The following FLNA variants were observed in gnomAD, a reference collection of about 807,000 sequenced individuals.
The protein encoded by FLNA is filamin A, also known as filamin-A.
A neutral mutation model predicts 157.6 loss-of-function variants in FLNA; 7 were observed. The observed-to-expected ratio is 0.04, with a 90% CI of 0.03 to 0.08. The LOEUF (loss-of-function observed/expected upper bound fraction) is 0.08, where lower values mean the gene tolerates loss of function less well. Among genes scored for constraint, FLNA ranks in the 10% least tolerant of loss-of-function variants. The pLI is 1.00. For synonymous variants in FLNA, 1,103 were observed against 1,060.8 expected, an observed-to-expected ratio of 1.04 and a Z score of -0.77; for missense variants, 1,750 against 2,398.4, an observed-to-expected ratio of 0.73 and a Z score of 5.65.
At chrX:154,369,626 G>A (rs1169773652) in intron 2 of FLNA, among the ~76,000 whole-genome samples, 4 of 110,828 alleles carry the variant, frequency 3.6e-5, no homozygotes, top group Non-Finnish European at 7.6e-5. Flanking sequence ...GCTCCAGCCA[G>A]CTCACAAGGA....
chrX:154,360,704 A>G (rs2067699583), intron 21 of FLNA, 117 bp from the exon 22 acceptor site: 1 of 677,344 alleles, frequency 1.5e-6, no homozygotes, highest in Non-Finnish European at 2.2e-6. Context: ...AAACAGGGAC[A>G]CGGGCGGGCC....
rs782476500 is a variant in FLNA, at chrX:154,353,696, G to A, written c.5718C>T (p.Ser1906=). The change falls in exon 36 of 48, where the codon TCC becomes TCT. Residue 1906 remains serine, a synonymous_variant. Transcript: ENST00000369850. ...GGLSLAIEGP[S]KAEISCTDNQ... ...TGTCAGTGCAGCTGATTTCTGCTTT[G>A]GACGGGCCCTCAATGGCCAGAGACA... is the stretch of plus-strand genomic sequence containing the variant. 8.3e-7 allele frequency: 1 copy of A among 1,211,265 alleles called. No individual in the cohort carries two copies. Among genetic ancestry groups the A allele is most frequent in the Non-Finnish European group, 1.1e-6 (1 of 895,193 alleles).
At chrX:154,350,489 C>T (rs782602488) in intron 44 of FLNA, 9 of 413,546 alleles carry the variant, frequency 2.2e-5, no homozygotes, top group African/African-American at 1.5e-4. Context: ...ACCATATCCC[C>T]TGCATGTTAA....
chrX:154,352,784 G>T lies in FLNA; in HGVS notation c.6367C>A (p.Gln2123Lys). The T allele has an allele frequency of 8.3e-7, 1 of 1,212,078 alleles. No individual in the cohort carries two copies. The highest frequency in any genetic ancestry group is 1.1e-6 in the Non-Finnish European group (1 of 895,593). ...CTGCTGCACTCACCAGGCACGTGCTGGTCGGCAAACTTGATGTTGATGATG... is the reference window on the plus strand; with the variant it reads ...CTGCTGCACTCACCAGGCACGTGCTTGTCGGCAAACTTGATGTTGATGATG... Reference protein sequence around the residue: ...NYIINIKFADQHVPGSPFSVK... With the variant: ...NYIINIKFADKHVPGSPFSVK... Residue 2123 changes from glutamine (Q) to lysine (K), a missense_variant, in exon 39 of 48, where the codon CAG (glutamine) becomes AAG (lysine). Around this residue, in one of 5 missense-constraint regions of FLNA, gnomAD observed 970 missense variants for 1,302.6 expected, o/e 0.74. Transcript: ENST00000369850.
In FLNA at chrX:154,357,571, G is replaced by A. The variant is rs1557177101; in HGVS notation, c.4808C>T (p.Thr1603Met). The A allele has an allele frequency of 3.3e-6, 4 of 1,211,827 alleles. No homozygotes were observed. The highest frequency in any genetic ancestry group is 3.5e-5 in the South Asian group (2 of 57,012). ...GTCTGGCACGTAGGCCACTGTATAC[G>A]TGCCGTCATGGTTGTCTTGGATGTG... ...KTHIQDNHDGTYTVAYVPDVT... is the reference protein window; with the variant it reads ...KTHIQDNHDGMYTVAYVPDVT... The change falls in exon 29 of 48, where the codon ACG (threonine) becomes ATG (methionine). Residue 1603 changes from threonine to methionine, a missense_variant. Transcript: ENST00000369850.
chrX:154,352,162 G>A lies in FLNA; in HGVS notation c.6769+19C>T, dbSNP rs1332763209. On this transcript the variant is annotated intron_variant, in intron 41 of 47. Coordinates refer to ENST00000369850, the MANE Select transcript of FLNA (RefSeq NM_001110556.2). ...GGCCAACGCAGGAGAGCGAGCACTCGGGGTGTGAGCAGGCCTACCTGGCAC... is the reference window on the plus strand; with the variant it reads ...GGCCAACGCAGGAGAGCGAGCACTCAGGGTGTGAGCAGGCCTACCTGGCAC... 7 of 1,208,662 alleles carry A rather than the reference G, an allele frequency of 5.8e-6. No homozygotes were observed. The highest frequency in any genetic ancestry group is 7.8e-6 in the Non-Finnish European group (7 of 894,657).
At position 154,350,918 on chromosome X, in the gene FLNA, T is replaced by C; in HGVS notation, c.7147A>G (p.Ile2383Val). Reference protein sequence around the residue: ...GALEECYVTEIDQDKYAVRFI... With the variant: ...GALEECYVTEVDQDKYAVRFI... ...AGGGACAGGGCCTCACCTTGGTCAA[T>C]TTCTGTGACATAGCACTCCTCCAGG... Residue 2383 changes from isoleucine to valine, a missense_variant, in exon 44 of 48, where the codon ATT (isoleucine) becomes GTT (valine). Ile to Val is a conservative substitution (Grantham distance 29). Around this residue, in one of 5 missense-constraint regions of FLNA, gnomAD observed 970 missense variants for 1,302.6 expected, o/e 0.74. Coordinates refer to ENST00000369850, the MANE Select transcript of FLNA (RefSeq NM_001110556.2). The C allele has an allele frequency of 8.3e-7, 1 of 1,211,274 alleles. No homozygotes were observed. Among genetic ancestry groups the C allele is most frequent in the East Asian group, 3.0e-5 (1 of 33,824 alleles).
chrX:154,350,883 G>A, intron 44 of FLNA, 26 bp downstream of exon 44: 1 of 1,206,473 alleles, frequency 8.3e-7, no homozygotes, highest in Non-Finnish European at 1.1e-6. Flanking sequence ...GCAGGGCAGG[G>A]CGGCCGGGCA....
At position 154,359,063 on chromosome X, in the gene FLNA, G is replaced by A. The variant is rs1161097774; in HGVS notation, c.4395C>T (p.Ala1465=). The change falls in exon 26 of 48, where the codon GCC becomes GCT. Residue 1465 remains alanine (A), a synonymous_variant. Transcript: ENST00000369850. ...CCACCTGGAAGGACTGAGGGAGGTT[G>A]GCACGAACCATGCCTGGGCTCAGGC... The part of the protein sequence containing the change: ...GPGLSPGMVR[A]NLPQSFQVDT... 1 of 1,210,024 alleles carries A rather than the reference G, an allele frequency of 8.3e-7. No individual in the cohort carries two copies. The highest frequency in any genetic ancestry group is 1.7e-5 in the African/African-American group (1 of 57,449).
chrX:154,363,961 C>T lies in FLNA; in HGVS notation c.2280+61G>A, dbSNP rs781832636. The T allele has an allele frequency of 4.5e-4, 525 of 1,156,769 alleles. 1 individual carries two copies. The highest frequency in any genetic ancestry group is 6.0e-4 in the Non-Finnish European group (507 of 848,263). ...GTGTGCCACAACCACTTGAAATGGACGAATCGTGTGCTACGTGAATGCTAT... is the reference window on the plus strand; with the variant it reads ...GTGTGCCACAACCACTTGAAATGGATGAATCGTGTGCTACGTGAATGCTAT... On this transcript the variant is annotated intron_variant, in intron 15 of 47. Transcript: ENST00000369850.
intron 43 of FLNA, chrX:154,351,283 T>C: frequency 2.2e-6 from 1 of 444,790 alleles, no homozygotes; most frequent in South Asian, 3.2e-5. Flanking sequence ...TGCCCCACCC[T>C]GTGGGCAGCA....
Position 154,353,932 on chromosome X carries a change from G to C in FLNA, c.5669C>G (p.Thr1890Ser). The change falls in exon 35 of 48, where the codon ACC becomes AGC. Residue 1890 changes from threonine (T) to serine (S), a missense_variant. Physicochemically the swap from Thr to Ser is moderately conservative, Grantham distance 58 (BLOSUM62 1). Coordinates refer to ENST00000369850, the MANE Select transcript of FLNA (RefSeq NM_001110556.2). ...TTGCTCACCCTCTCCTGCATCCTTG[G>C]TGTTGACGGTGAAGGTGGCAGGCTT... ...VNKPATFTVN[T>S]KDAGEGGLSL... 8.2e-7 allele frequency: 1 copy of C among 1,212,178 alleles called. No individual in the cohort carries two copies. Among genetic ancestry groups the C allele is most frequent in the Non-Finnish European group, 1.1e-6 (1 of 895,472 alleles).
chrX:154,361,481 A>C lies in FLNA; in HGVS notation c.3034T>G (p.Ser1012Ala), dbSNP rs1364359427. ...GKVASKIVGP[S>A]GAAVPCKVEP... ...ACCTTGCAGGGCACCGCTGCACCCG[A>C]GGGGCCCACAATCTTGGATGCCACT... The change falls in exon 21 of 48, where the codon TCG becomes GCG. Residue 1012 changes from serine to alanine, a missense_variant. Around this residue, in one of 5 missense-constraint regions of FLNA, gnomAD observed 648 missense variants for 805.8 expected, o/e 0.80. Transcript: ENST00000369850. The C allele has an allele frequency of 2.5e-6, 3 of 1,208,328 alleles. No homozygotes were observed. In the African/African-American group the frequency reaches 5.3e-5, roughly 21 times the overall value.
chrX:154,361,584 G>GA lies in FLNA; in HGVS notation c.2945-15dup, dbSNP rs782372275. The stretch of plus-strand genomic sequence containing the variant: ...CAACGTCCACCTCTGTGGAAACGAT[G>GA]AAAGGAAGGAGAGAGACATGACACC... On this transcript the variant is annotated splice_polypyrimidine_tract_variant and intron_variant, in intron 20 of 47. Coordinates refer to ENST00000369850, the MANE Select transcript of FLNA (RefSeq NM_001110556.2). 16 of 1,211,444 alleles carry GA rather than the reference G, an allele frequency of 1.3e-5. No individual in the cohort carries two copies. Among genetic ancestry groups the GA allele is most frequent in the Non-Finnish European group, 1.7e-5 (15 of 895,308 alleles).
Position 154,371,294 on chromosome X carries a change from G to A in FLNA, c.-49C>T, listed in dbSNP as rs782247680. 2 of 1,181,356 alleles carry A rather than the reference G, an allele frequency of 1.7e-6. No individual in the cohort carries two copies. The highest frequency in any genetic ancestry group is 3.5e-5 in the African/African-American group (2 of 57,160). ...GGCGGTGCTGCAGCCTCGGCGAGGG[G>A]ACGGCCCTTTAATTAAAGTCGCAGG... On this transcript the variant is annotated 5_prime_UTR_variant, in exon 2 of 48. Transcript: ENST00000369850.
rs376557256 is a variant in FLNA at position 154,364,939 on chromosome X, C to T, written c.1710G>A (p.Val570=). 19 of 1,209,967 alleles carry T rather than the reference C, an allele frequency of 1.6e-5. No individual in the cohort carries two copies. Among genetic ancestry groups the T allele is most frequent in the Non-Finnish European group, 2.0e-5 (18 of 895,287 alleles). ...NIGRSPFEVK[V]GTECGNQKVR... ...CCTTCTGATTGCCACACTCGGTGCCCACCTTCACTTCGAAGGGACTGCAAA... is the reference window on the plus strand; with the variant it reads ...CCTTCTGATTGCCACACTCGGTGCCTACCTTCACTTCGAAGGGACTGCAAA... Residue 570 remains valine, a synonymous_variant, in exon 12 of 48, where the codon GTG becomes GTA. Transcript: ENST00000369850.
In FLNA at chrX:154,358,458, C is replaced by T; in HGVS notation, c.4585G>A (p.Glu1529Lys). Residue 1529 changes from glutamate to lysine, a missense_variant, in exon 27 of 48, where the codon GAG (glutamate) becomes AAG (lysine). Transcript: ENST00000369850. ...YSISVLYGDE[E>K]VPRSPFKVKV... is the part of the protein sequence containing the mutation. ...CCTGCCTCTTACCTCCGGGGTACCT[C>T]TTCATCTCCATACAGTACTGAGATG... 8.3e-7 allele frequency: 1 copy of T among 1,211,554 alleles called. No individual in the cohort carries two copies. Among genetic ancestry groups the T allele is most frequent in the Non-Finnish European group, 1.1e-6 (1 of 895,410 alleles).
rs201681328 is a variant in FLNA, at chrX:154,366,416, C to T, written c.1120G>A (p.Val374Met). The change falls in exon 8 of 48, where the codon GTG (valine) becomes ATG (methionine). Residue 374 changes from valine (V) to methionine (M), a missense_variant. Val to Met is a conservative substitution (Grantham distance 21). This residue lies in a region of FLNA where 648 missense variants were observed against 805.8 expected (regional missense o/e 0.80). Coordinates refer to ENST00000369850, the MANE Select transcript of FLNA (RefSeq NM_001110556.2). ...CTGGCGTCACCCTGTGACTTATCCA[C>T]GTACACCTCGAAGGGGCTCTTGGCG... The part of the protein sequence containing the change: ...HIAKSPFEVY[V>M]DKSQGDASKV... The T allele has an allele frequency of 4.4e-5, 53 of 1,210,554 alleles. No homozygotes were observed. The highest frequency in any genetic ancestry group is 1.1e-4 in the Admixed American group (5 of 45,961).
At chrX:154,363,759 C>A (rs1023293514) in intron 15 of FLNA, among the ~76,000 whole-genome samples, 3 of 111,847 alleles carry the variant, frequency 2.7e-5, no homozygotes, top group African/African-American at 9.8e-5. Context: ...AACAAAGTGC[C>A]AAGACATGCC....
Sources: gnomAD v4.1 joint callset for allele counts (sites outside exome capture counted in the v4.1 genomes callset) on GRCh38, gnomAD v4.1.1 for gene constraint, gnomAD v4.1.1 regional missense constraint, MANE v1.5 for transcripts, NCBI Gene and HGNC (gene_info 2026-07-23, HGNC 2026-07-21) for gene names.